ROBO2: variants seen among roughly 807,000 people sequenced by gnomAD.
ROBO2 encodes the protein roundabout homolog 2.
In ROBO2, 53 loss-of-function variants were observed where a neutral mutation model predicts 160.8. That is an observed-to-expected ratio of 0.33 (90% CI 0.26 to 0.41). ROBO2 has a LOEUF of 0.41. ROBO2 is among the 10% of genes least tolerant of loss of function. The pLI is 1.00. For synonymous variants in ROBO2, 664 were observed against 611.7 expected (o/e 1.09, Z -1.26); for missense variants, 1,577 against 1,722.4 (o/e 0.92, Z 1.49).
chr3:76,502,194 G>T (rs1057022479), intron 2 of ROBO2, among the ~76,000 whole-genome samples: 4 of 152,156 alleles, frequency 2.6e-5, no homozygotes, highest in Admixed American at 6.5e-5. Context: ...TGGAAATAAA[G>T]ATGATTTTCT....
chr3:76,192,433 A>G (rs1044628609), intron 2 of ROBO2, among the ~76,000 whole-genome samples: 1 of 151,600 alleles, frequency 6.6e-6, no homozygotes, highest in Non-Finnish European at 1.5e-5. Flanking sequence ...CTCCTTTCCT[A>G]GCACTTTTCT....
chr3:76,673,205 A>T (rs936479152), intron 2 of ROBO2, among the ~76,000 whole-genome samples: 1 of 151,546 alleles, frequency 6.6e-6, no homozygotes, highest in Admixed American at 6.6e-5. Flanking sequence ...AGATGATTAC[A>T]GTCCTCATCT....
chr3:76,912,396 C>T (rs1446756634), intron 2 of ROBO2, among the ~76,000 whole-genome samples: 1 of 151,876 alleles, frequency 6.6e-6, no homozygotes, highest in Non-Finnish European at 1.5e-5. Flanking sequence ...TAGTTTTTTG[C>T]AATAATAATA....
intron 1 of ROBO2, among the ~76,000 whole-genome samples, chr3:77,082,681 T>C (rs1011430659): frequency 2.0e-5 from 3 of 151,104 alleles, no homozygotes; most frequent in African/African-American, 7.3e-5. Context: ...GTACATTTGA[T>C]TCAAATGCTA....
intron 2 of ROBO2, among the ~76,000 whole-genome samples, chr3:76,693,892 TACTC>T (rs1266390916): frequency 6.6e-6 from 1 of 152,170 alleles, no homozygotes; most frequent in Non-Finnish European, 1.5e-5. Context: ...TCAGTCTCCT[TACTC>T]AGTTCATTGA....
intron 2 of ROBO2, among the ~76,000 whole-genome samples, chr3:76,120,308 C>T (rs549043847): frequency 6.6e-6 from 1 of 152,148 alleles, no homozygotes; most frequent in South Asian, 2.1e-4. Flanking sequence ...GGAGGCTTTT[C>T]TTCTTTTAAT....
intron 2 of ROBO2, among the ~76,000 whole-genome samples, chr3:76,719,637 A>G (rs181190454): frequency 5.3e-4 from 80 of 152,322 alleles, no homozygotes; most frequent in African/African-American, 1.8e-3. Context: ...TATTCCCAGC[A>G]CTTTGGGAGG....
At chr3:77,508,328 T>C (rs932060200) in intron 5 of ROBO2, among the ~76,000 whole-genome samples, 9 of 147,918 alleles carry the variant, frequency 6.1e-5, no homozygotes, top group African/African-American at 2.2e-4. Flanking sequence ...GAACGTTTTA[T>C]ATATTACAAA....
rs1420933662 is a variant in ROBO2 at position 77,546,218 on chromosome 3, TAAA to T, written c.935-116_935-114del. On this transcript the variant is annotated intron_variant, in intron 6 of 25. Transcript: ENST00000461745. ...GTTTTGAGAAATGTGTAAAAGTAAATAAAAAACTGTAGTCTCTCTCTGGCACTG... is the reference window on the plus strand; with the variant it reads ...GTTTTGAGAAATGTGTAAAAGTAAATAAACTGTAGTCTCTCTCTGGCACTG... The T allele has an allele frequency of 5.5e-6, 6 of 1,094,352 alleles. No homozygotes were observed. In the African/African-American group the frequency reaches 9.5e-5, roughly 17 times the overall value. The allele number at this position is 1,094,352 out of a possible 1,614,324, so 67.8% of individuals were successfully genotyped here.
intron 5 of ROBO2, among the ~76,000 whole-genome samples, chr3:77,504,377 A>G (rs915006760): frequency 6.6e-6 from 1 of 151,850 alleles, no homozygotes; most frequent in Admixed American, 6.6e-5. Context: ...TTTCTGACAC[A>G]TGGTACTCAC....
At chr3:76,102,611 A>G (rs1403336251) in intron 2 of ROBO2, among the ~76,000 whole-genome samples, 2 of 152,204 alleles carry the variant, frequency 1.3e-5, no homozygotes, top group Non-Finnish European at 2.9e-5. Flanking sequence ...CAAGAAAGAT[A>G]CAGATTGAAA....
intron 2 of ROBO2, among the ~76,000 whole-genome samples, chr3:76,545,633 A>G (rs1017361914): frequency 6.6e-6 from 1 of 151,968 alleles, no homozygotes; most frequent in Non-Finnish European, 1.5e-5. Context: ...ATATGTTCCT[A>G]CAAAATATCT....
chr3:77,246,447 A>G (rs930339857), intron 2 of ROBO2, among the ~76,000 whole-genome samples: 1 of 152,062 alleles, frequency 6.6e-6, no homozygotes, highest in Non-Finnish European at 1.5e-5. Flanking sequence ...CTTTAAACCC[A>G]AATATGTGGG....
intron 2 of ROBO2, among the ~76,000 whole-genome samples, chr3:76,345,706 C>G (rs577659850): frequency 7.9e-5 from 12 of 152,014 alleles, no homozygotes; most frequent in African/African-American, 2.9e-4. Flanking sequence ...AAAATAATTT[C>G]TTGAGCCTAA....
intron 2 of ROBO2, among the ~76,000 whole-genome samples, chr3:76,829,448 T>G (rs1314218580): frequency 2.0e-5 from 3 of 152,128 alleles, no homozygotes; most frequent in Admixed American, 6.6e-5. Flanking sequence ...CTGCACATTC[T>G]GCACATGTAC....
chr3:77,610,623 C>T (rs1271112005), intron 21 of ROBO2, among the ~76,000 whole-genome samples: 3 of 151,164 alleles, frequency 2.0e-5, no homozygotes, highest in African/African-American at 4.9e-5. Flanking sequence ...AGCAAGAAAA[C>T]GTCTCTGTCC....
intron 2 of ROBO2, among the ~76,000 whole-genome samples, chr3:76,350,748 A>G (rs150062355): frequency 2.7e-4 from 41 of 152,122 alleles, no homozygotes; most frequent in South Asian, 8.3e-4. Context: ...CTACAGCCAA[A>G]GAGAAATCAG....
chr3:77,538,840 A>T (rs2092309567), intron 6 of ROBO2: 1 of 489,644 alleles, frequency 2.0e-6, no homozygotes, highest in Non-Finnish European at 4.1e-6. Context: ...TGCATTGCAA[A>T]GAAACGATTT....
chr3:77,157,919 C>T lies in ROBO2; in HGVS notation c.388+59579C>T, dbSNP rs116744136. 9.0e-3 allele frequency among the ~76,000 whole-genome samples: 1,362 copies of T among 152,140 alleles called. 17 individuals are homozygous for T. Among genetic ancestry groups the T allele is most frequent in the African/African-American group, 0.03 (1,229 of 41,516 alleles). ...AGTACACAGTGAAAGTCCTTGAATACGGCCCTGATTGTCCCTTCTTTTAGC... is the reference window on the plus strand; with the variant it reads ...AGTACACAGTGAAAGTCCTTGAATATGGCCCTGATTGTCCCTTCTTTTAGC... On this transcript the variant is annotated intron_variant, in intron 2 of 25. Transcript: ENST00000461745.
Sources: gnomAD v4.1 joint callset for allele counts (sites outside exome capture counted in the v4.1 genomes callset) on GRCh38, gnomAD v4.1.1 for gene constraint, MANE v1.5 for transcripts, NCBI Gene and HGNC (gene_info 2026-07-23, HGNC 2026-07-21) for gene names.